The following UGT8 variants were observed in gnomAD, a reference collection of about 807,000 sequenced individuals.
The protein encoded by UGT8 is 2-hydroxyacylsphingosine 1-beta-galactosyltransferase.
A neutral mutation model predicts 40.5 loss-of-function variants in UGT8; 12 were observed. The observed-to-expected ratio is 0.30, with a 90% CI of 0.19 to 0.48. The LOEUF is 0.48. Among genes scored for constraint, UGT8 ranks in the 20% least tolerant of loss-of-function variants. The probability of loss-of-function intolerance (pLI) is 0.99; values close to 1 mark genes in which losing one functional copy is unlikely to be tolerated. For missense variants in UGT8, 513 were observed against 648.7 expected (o/e 0.79, Z 2.27); for synonymous variants, 224 against 240.4 (o/e 0.93, Z 0.63).
intron 2 of UGT8, among the ~76,000 whole-genome samples, chr4:114,638,857 T>C (rs1172078052): frequency 6.6e-6 from 1 of 152,226 alleles, no homozygotes; most frequent in African/African-American, 2.4e-5. Context: ...TATCTCTTAC[T>C]GCAGAAGATT....
chr4:114,637,197 G>A (rs565183606), intron 2 of UGT8, among the ~76,000 whole-genome samples: 2 of 152,116 alleles, frequency 1.3e-5, no homozygotes, highest in Non-Finnish European at 1.5e-5. Flanking sequence ...CAAACTTTGA[G>A]GAAGGAGGTA....
intron 5 of UGT8, among the ~76,000 whole-genome samples, chr4:114,670,046 A>G (rs1408417597): frequency 6.6e-6 from 1 of 152,218 alleles, no homozygotes; most frequent in Non-Finnish European, 1.5e-5. Context: ...CTAATACTGT[A>G]AAAGAAGTAT....
At chr4:114,646,444 A>T (rs1733576773) in intron 2 of UGT8, among the ~76,000 whole-genome samples, 1 of 152,112 alleles carries the variant, frequency 6.6e-6, no homozygotes, top group African/African-American at 2.4e-5. Context: ...AATGTGATAA[A>T]CAGTGAAGTT....
chr4:114,621,995 G>A (rs959280168), intron 1 of UGT8, among the ~76,000 whole-genome samples: 4 of 151,756 alleles, frequency 2.6e-5, no homozygotes, highest in African/African-American at 9.7e-5. Context: ...GGGTACATGT[G>A]CACAATGTGC....
At chr4:114,611,643 TAG>T (rs1251832311) in intron 1 of UGT8, among the ~76,000 whole-genome samples, 3 of 149,934 alleles carry the variant, frequency 2.0e-5, no homozygotes, top group Non-Finnish European at 4.4e-5. Context: ...TTGGAAGACA[TAG>T]ATTCTTACCT....
At chr4:114,669,168 T>C (rs1013919217) in intron 5 of UGT8, among the ~76,000 whole-genome samples, 1 of 152,134 alleles carries the variant, frequency 6.6e-6, no homozygotes, top group Non-Finnish European at 1.5e-5. Context: ...GCATATAAAA[T>C]GCTGAATTCA....
intron 2 of UGT8, among the ~76,000 whole-genome samples, chr4:114,658,672 G>T (rs1282829774): frequency 4.6e-5 from 7 of 151,572 alleles, no homozygotes; most frequent in African/African-American, 1.7e-4. Flanking sequence ...CAATTTTCTT[G>T]CATTGGGATG....
In UGT8 at chr4:114,668,886, G is replaced by T. The variant is rs1368172915; in HGVS notation, c.1262+582G>T. 2.0e-5 allele frequency among the ~76,000 whole-genome samples: 3 copies of T among 152,114 alleles called. No individual in the cohort carries two copies. In the East Asian group the frequency reaches 5.8e-4, roughly 29 times the overall value. ...ATTTTGCTTTTTAAATTATTGATGG[G>T]TCCTGAGTTAAGCTAGTTCACCAAT... On this transcript the variant is annotated intron_variant, in intron 5 of 5. Transcript: ENST00000310836.
At chr4:114,671,907 T>G (rs994500252) in intron 5 of UGT8, among the ~76,000 whole-genome samples, 5 of 151,884 alleles carry the variant, frequency 3.3e-5, no homozygotes, top group Non-Finnish European at 7.4e-5. Flanking sequence ...TGGGAGAAAA[T>G]TTTTGCAATC....
At chr4:114,671,546 T>C (rs996156219) in intron 5 of UGT8, among the ~76,000 whole-genome samples, 3 of 152,094 alleles carry the variant, frequency 2.0e-5, no homozygotes, top group African/African-American at 7.2e-5. Flanking sequence ...TCTGATCTTC[T>C]ACAAACCTGC....
chr4:114,608,305 C>T (rs1730852517), intron 1 of UGT8, among the ~76,000 whole-genome samples: 1 of 152,166 alleles, frequency 6.6e-6, no homozygotes, highest in African/African-American at 2.4e-5. Context: ...CATTCTCCCT[C>T]TAAGGAGAGT....
chr4:114,666,740 T>C (rs1238265348), intron 4 of UGT8, among the ~76,000 whole-genome samples: 3 of 151,826 alleles, frequency 2.0e-5, no homozygotes, highest in Non-Finnish European at 4.4e-5. Flanking sequence ...TCTTTTTTTC[T>C]TTTTTTTGAC....
intron 2 of UGT8, among the ~76,000 whole-genome samples, chr4:114,646,870 G>T (rs1043845572): frequency 6.6e-6 from 1 of 152,188 alleles, no homozygotes; most frequent in Admixed American, 6.5e-5. Flanking sequence ...CTGCAGAAAT[G>T]CACTTCCACA....
intron 1 of UGT8, among the ~76,000 whole-genome samples, chr4:114,611,336 A>G (rs1308165039): frequency 6.7e-6 from 1 of 148,740 alleles, no homozygotes; most frequent in Non-Finnish European, 1.5e-5. Context: ...GTACCAGGCT[A>G]GTCTTGGGGA....
Position 114,664,023 on chromosome 4 carries a change from A to G in UGT8, c.851A>G (p.Asn284Ser). 1.2e-6 allele frequency: 2 copies of G among 1,614,080 alleles called. No individual in the cohort carries two copies. The highest frequency in any genetic ancestry group is 1.7e-6 in the Non-Finnish European group (2 of 1,179,964). ...EDLQRWVNGA[N>S]EHGFVLVSFG... ...CTCCAAAGATGGGTAAATGGTGCTA[A>G]TGAACATGGCTTTGTCTTGGTGTCT... The change falls in exon 3 of 6, where the codon AAT becomes AGT. Residue 284 changes from asparagine (N) to serine (S), a missense_variant. Physicochemically the swap from Asn to Ser is conservative, Grantham distance 46. This residue lies in a region of UGT8 where 335 missense variants were observed against 444.8 expected (regional missense o/e 0.75). Transcript: ENST00000310836.
At chr4:114,665,271 T>A in intron 3 of UGT8, 1 of 474,144 alleles carries the variant, frequency 2.1e-6, no homozygotes, top group Non-Finnish European at 2.8e-6. Flanking sequence ...ACTCAGGGTG[T>A]TAAGGATTTA....
intron 2 of UGT8, among the ~76,000 whole-genome samples, chr4:114,642,530 A>G (rs921746657): frequency 6.6e-6 from 1 of 152,100 alleles, no homozygotes; most frequent in Non-Finnish European, 1.5e-5. Context: ...GGCTGTGACT[A>G]TTTTGCTTCC....
At chr4:114,642,217 T>A (rs1349388758) in intron 2 of UGT8, among the ~76,000 whole-genome samples, 2 of 152,088 alleles carry the variant, frequency 1.3e-5, no homozygotes, top group African/African-American at 2.4e-5. Context: ...TTGTTGACTT[T>A]TTTTTTTTAG....
chr4:114,612,541 C>G (rs1371900810), intron 1 of UGT8, among the ~76,000 whole-genome samples: 2 of 152,122 alleles, frequency 1.3e-5, no homozygotes, highest in African/African-American at 4.8e-5. Context: ...CACATTAGAT[C>G]TATTAGGTTC....
Sources: gnomAD v4.1 joint callset for allele counts (sites outside exome capture counted in the v4.1 genomes callset) on GRCh38, gnomAD v4.1.1 for gene constraint, gnomAD v4.1.1 regional missense constraint, MANE v1.5 for transcripts, NCBI Gene and HGNC (gene_info 2026-07-23, HGNC 2026-07-21) for gene names.